ADAM7: variants seen among roughly 807,000 people sequenced by gnomAD.
The protein encoded by ADAM7 is ADAM metallopeptidase domain 7.
Under a neutral mutation model 102.9 loss-of-function variants are expected in ADAM7, and 97 were observed. That is an observed-to-expected ratio of 0.94 (90% confidence interval 0.80 to 1.12). The LOEUF (loss-of-function observed/expected upper bound fraction) is 1.12, where lower values mean the gene tolerates loss of function less well. Among genes scored for constraint, ADAM7 ranks in the 50% most tolerant of loss-of-function variants. The pLI, the probability that ADAM7 is intolerant of heterozygous loss-of-function variation, is 0.00. For missense variants in ADAM7, 991 were observed against 908.7 expected (o/e 1.09, Z -1.16); for synonymous variants, 334 against 304.4 (o/e 1.10, Z -1.01).
At chr8:24,459,646 G>C (rs1418018753) in intron 3 of ADAM7, among the ~76,000 whole-genome samples, 1 of 151,986 alleles carries the variant, frequency 6.6e-6, no homozygotes, top group Non-Finnish European at 1.5e-5. Flanking sequence ...TTTTTGTAAA[G>C]ATGGGTTTTC....
intron 2 of ADAM7, among the ~76,000 whole-genome samples, chr8:24,446,102 G>A (rs1238192695): frequency 6.6e-6 from 1 of 152,146 alleles, no homozygotes; most frequent in Non-Finnish European, 1.5e-5. Flanking sequence ...AGTAGTCATT[G>A]AATAAATGAA....
intron 11 of ADAM7, among the ~76,000 whole-genome samples, chr8:24,488,112 C>A (rs529146303): frequency 6.6e-6 from 1 of 152,274 alleles, no homozygotes; most frequent in Non-Finnish European, 1.5e-5. Context: ...CTAGCATATT[C>A]TCTGTTTCAT....
intron 20 of ADAM7, chr8:24,506,047 A>C (rs1361950831): frequency 1.5e-6 from 2 of 1,375,438 alleles, no homozygotes; most frequent in East Asian, 2.5e-5. Flanking sequence ...CAGTATTGGT[A>C]TATTTACTAG....
intron 4 of ADAM7, among the ~76,000 whole-genome samples, chr8:24,464,470 T>C (rs1490771959): frequency 6.6e-6 from 1 of 152,194 alleles, no homozygotes; most frequent in Non-Finnish European, 1.5e-5. Context: ...AAAATCTAGA[T>C]ACAGATTTTA....
chr8:24,492,981 C>T, intron 15 of ADAM7, 62 bp from the exon 16 acceptor site: 1 of 1,470,556 alleles, frequency 6.8e-7, no homozygotes, highest in Non-Finnish European at 9.0e-7. Context: ...GGCTCCATTG[C>T]CAGCCTAGTC....
chr8:24,462,162 G>A (rs149144769), intron 3 of ADAM7, among the ~76,000 whole-genome samples: 5 of 152,122 alleles, frequency 3.3e-5, no homozygotes, highest in Non-Finnish European at 7.4e-5. Flanking sequence ...GGACTTAAAC[G>A]GCAAATTCTG....
chr8:24,497,880 C>G (rs1396888228), intron 16 of ADAM7, among the ~76,000 whole-genome samples: 2 of 151,968 alleles, frequency 1.3e-5, no homozygotes, highest in African/African-American at 2.4e-5. Flanking sequence ...AACAAGTATC[C>G]AGAAGACAAT....
rs150430841 is a variant in ADAM7, at chr8:24,488,993, G to A, written c.1092-166G>A. ...TTCACTAACATAGCATGTGTTTGCTGTGTTTTGAAAAGATATTTTCTATAA... is the reference window on the plus strand; with the variant it reads ...TTCACTAACATAGCATGTGTTTGCTATGTTTTGAAAAGATATTTTCTATAA... On this transcript the variant is annotated intron_variant, in intron 11 of 21. Coordinates refer to ENST00000175238, the MANE Select transcript of ADAM7 (RefSeq NM_003817.4). 1.3e-3 allele frequency among the ~76,000 whole-genome samples: 201 copies of A among 152,214 alleles called. 1 individual carries two copies. Among genetic ancestry groups the A allele is most frequent in the African/African-American group, 4.6e-3 (193 of 41,556 alleles).
At position 24,442,555 on chromosome 8, in the gene ADAM7, C is replaced by T; in HGVS notation, c.135C>T (p.His45=). ...LPLIQKRDTG[H]THDDDILKTY... ...TGATACAGAAGCGAGATACTGGACA[C>T]ACCCATGATGATGACATACTGGTAC... The change falls in exon 2 of 22, where the codon CAC becomes CAT. Residue 45 remains histidine, a synonymous_variant. Coordinates refer to ENST00000175238, the MANE Select transcript of ADAM7 (RefSeq NM_003817.4). The T allele has an allele frequency of 1.2e-6, 2 of 1,613,916 alleles. No individual in the cohort carries two copies. The highest frequency in any genetic ancestry group is 2.7e-5 in the African/African-American group (2 of 75,020).
intron 16 of ADAM7, among the ~76,000 whole-genome samples, chr8:24,497,516 C>T (rs926126239): frequency 1.3e-5 from 2 of 151,932 alleles, no homozygotes; most frequent in Non-Finnish European, 2.9e-5. Context: ...AAGTTAGAAG[C>T]TAAACTTCTT....
At chr8:24,495,797 T>A (rs763547571) in intron 16 of ADAM7, among the ~76,000 whole-genome samples, 1 of 152,178 alleles carries the variant, frequency 6.6e-6, no homozygotes, top group Non-Finnish European at 1.5e-5. Context: ...TTGGGTGCTG[T>A]TAAATGCATT....
Position 24,487,279 on chromosome 8 carries a change from C to T in ADAM7, c.1053C>T (p.Thr351=), listed in dbSNP as rs143477367. ...TGCAGCATGACGAGTTCCCATGCAC[C>T]TGTCCTTCAGGAAAATGCGTGATGG... ...LGMQHDEFPC[T]CPSGKCVMDS... is the part of the protein sequence containing the mutation. The change falls in exon 11 of 22, where the codon ACC becomes ACT. Residue 351 remains threonine (T), a synonymous_variant. Coordinates refer to ENST00000175238, the MANE Select transcript of ADAM7 (RefSeq NM_003817.4). 11 of 1,613,694 alleles carry T rather than the reference C, an allele frequency of 6.8e-6. No homozygotes were observed. The highest frequency in any genetic ancestry group is 9.3e-6 in the Non-Finnish European group (11 of 1,179,852).
At chr8:24,507,900 G>A (rs578197996) in intron 21 of ADAM7, among the ~76,000 whole-genome samples, 1 of 152,008 alleles carries the variant, frequency 6.6e-6, no homozygotes, top group Admixed American at 6.6e-5. Flanking sequence ...TCGTAATGTT[G>A]GGAATCACAG....
intron 8 of ADAM7, among the ~76,000 whole-genome samples, chr8:24,477,533 T>C (rs1010846807): frequency 4.7e-5 from 7 of 148,338 alleles, no homozygotes; most frequent in Non-Finnish European, 9.0e-5. Flanking sequence ...GGCAATATTT[T>C]AGCTGGTCTA....
At chr8:24,476,593 C>T in intron 8 of ADAM7, 89 bp downstream of exon 8, 2 of 1,018,586 alleles carry the variant, frequency 2.0e-6, no homozygotes, top group Non-Finnish European at 3.0e-6. Flanking sequence ...ATTGTAGTTA[C>T]CTGATATTAA....
intron 16 of ADAM7, among the ~76,000 whole-genome samples, chr8:24,494,740 A>G (rs1207075856): frequency 6.6e-6 from 1 of 152,186 alleles, no homozygotes; most frequent in African/African-American, 2.4e-5. Flanking sequence ...TGGCATTGAT[A>G]TGCTATTTTT....
chr8:24,462,277 G>T (rs1300537401), intron 3 of ADAM7, among the ~76,000 whole-genome samples: 2 of 152,136 alleles, frequency 1.3e-5, no homozygotes, highest in Admixed American at 6.6e-5. Flanking sequence ...CTGAATTTGA[G>T]ACTGAGTTTG....
intron 10 of ADAM7, 42 bp downstream of exon 10, chr8:24,485,403 A>G: frequency 1.9e-6 from 3 of 1,569,782 alleles, no homozygotes; most frequent in Non-Finnish European, 1.7e-6. Flanking sequence ...ATGTTTGAAT[A>G]AAATTGTTGT....
chr8:24,503,380 A>T (rs1226862922), intron 20 of ADAM7, among the ~76,000 whole-genome samples: 1 of 152,156 alleles, frequency 6.6e-6, no homozygotes, highest in Non-Finnish European at 1.5e-5. Context: ...GTAACAACAG[A>T]TGCTAGAGAG....
Sources: gnomAD v4.1 joint callset for allele counts (sites outside exome capture counted in the v4.1 genomes callset) on GRCh38, gnomAD v4.1.1 for gene constraint, MANE v1.5 for transcripts, NCBI Gene and HGNC (gene_info 2026-07-23, HGNC 2026-07-21) for gene names.